MYBBP1A: variants seen among roughly 807,000 people sequenced by gnomAD.
MYBBP1A encodes the protein myb-binding protein 1A.
Under a neutral mutation model 136.3 loss-of-function variants are expected in MYBBP1A, and 147 were observed. The observed-to-expected ratio is 1.08, with a 90% CI of 0.94 to 1.24. The LOEUF (loss-of-function observed/expected upper bound fraction) is 1.24, where lower values mean the gene tolerates loss of function less well. Ranked by LOEUF, MYBBP1A falls within the 50% of genes most tolerant of loss-of-function variation. MYBBP1A has a pLI of 0.00. For missense variants in MYBBP1A, 2,060 were observed against 1,727.4 expected, an observed-to-expected ratio of 1.19 and a Z score of -3.41; for synonymous variants, 947 against 735.8, an observed-to-expected ratio of 1.29 and a Z score of -4.65.
chr17:4,544,343 G>A, intron 19 of MYBBP1A, 146 bp downstream of exon 19: 1 of 1,046,774 alleles, frequency 9.6e-7, no homozygotes. Flanking sequence ...TGTGCCTCTA[G>A]GGCTGAGCAG....
At position 4,544,569 on chromosome 17, in the gene MYBBP1A, C is replaced by G. The variant is rs1032535443; in HGVS notation, c.2559G>C (p.Leu853=). ...TGCGCAGGCTGCGCCGGATGATGCTCAGCAGCGGCTCCAGCAGCTCCAGGA... is the reference window on the plus strand; with the variant it reads ...TGCGCAGGCTGCGCCGGATGATGCTGAGCAGCGGCTCCAGCAGCTCCAGGA... The part of the protein sequence containing the change: ...ALVLELLEPL[L]SIIRRSLRSS... The change falls in exon 19 of 26, where the codon CTG becomes CTC. Residue 853 remains leucine (L), a synonymous_variant. Transcript: ENST00000254718. 1 of 1,572,736 alleles carries G rather than the reference C, an allele frequency of 6.4e-7. No homozygotes were observed. Among genetic ancestry groups the G allele is most frequent in the Non-Finnish European group, 8.6e-7 (1 of 1,159,574 alleles).
rs374976864 is a variant in MYBBP1A, at chr17:4,548,160, C to A, written c.1707G>T (p.Gln569His). The A allele has an allele frequency of 2.1e-5, 34 of 1,605,042 alleles. No individual in the cohort carries two copies. The highest frequency in any genetic ancestry group is 2.6e-5 in the Non-Finnish European group (31 of 1,179,988). Reference protein sequence around the residue: ...VTTVTPFTAQQRQAWDRMLQT... With the variant: ...VTTVTPFTAQHRQAWDRMLQT... ...GTGCTCACCGGTCCCAGGCCTGGCG[C>A]TGCTGCGCAGTGAAGGGTGTCACGG... The change falls in exon 12 of 26, where the codon CAG (glutamine) becomes CAT (histidine). Residue 569 changes from glutamine (Q) to histidine (H), a missense_variant. By Grantham distance (24) the Gln-to-His change is conservative. Transcript: ENST00000254718. This position sits in a 1 kb window ranked among gnomAD's most constrained non-coding sequence, Gnocchi z 4.2.
At chr17:4,540,078 T>C (rs951055160) in intron 25 of MYBBP1A, 111 bp from the exon 26 acceptor site, 6 of 1,330,330 alleles carry the variant, frequency 4.5e-6, no homozygotes, top group East Asian at 2.3e-5. Context: ...CCCTAGGTTC[T>C]GTGAGGCCCC....
intron 21 of MYBBP1A, 34 bp from the exon 22 acceptor site, chr17:4,542,566 G>A: frequency 6.2e-7 from 1 of 1,612,894 alleles, no homozygotes; most frequent in Non-Finnish European, 8.5e-7. Flanking sequence ...TGAGGTGCAG[G>A]CTGGGCTGAG....
In MYBBP1A at chr17:4,554,975, C is replaced by G; in HGVS notation, c.199-19G>C. ...CGGACCCCTGCGGAACCAAGCACAC[C>G]CTCGTGTTCAATGGTGACAACAAGG... On this transcript the variant is annotated intron_variant, in intron 1 of 25. Transcript: ENST00000254718. 6.2e-7 allele frequency: 1 copy of G among 1,612,942 alleles called. No individual in the cohort carries two copies. The highest frequency in any genetic ancestry group is 8.5e-7 in the Non-Finnish European group (1 of 1,179,664).
chr17:4,546,274 A>G lies in MYBBP1A; in HGVS notation c.1825-332T>C, dbSNP rs112795292. ...GCTGGGATTGCAGGCGTGTACCACC[A>G]TGCCCGGCTAATTTTTGTATTTTGA... On this transcript the variant is annotated intron_variant, in intron 13 of 25. Coordinates refer to ENST00000254718, the MANE Select transcript of MYBBP1A (RefSeq NM_014520.4). Among the ~76,000 whole-genome samples, 1,124 of 152,258 alleles carry G rather than the reference A, an allele frequency of 7.4e-3. 10 individuals are homozygous for G. The highest frequency in any genetic ancestry group is 0.014 in the Middle Eastern group (4 of 294).
rs1374974709 is a variant in MYBBP1A at position 4,539,909 on chromosome 17, T to A, written c.3493A>T (p.Ile1165Phe). Residue 1165 changes from isoleucine to phenylalanine, a missense_variant, in exon 26 of 26, where the codon ATC (isoleucine) becomes TTC (phenylalanine). Coordinates refer to ENST00000254718, the MANE Select transcript of MYBBP1A (RefSeq NM_014520.4). ...KEIPSATQSPISKKRKKKGFL... is the reference protein window; with the variant it reads ...KEIPSATQSPFSKKRKKKGFL... ...CCCTTTTTCTTCCGCTTCTTACTGA[T>A]GGGGCTCTGGGTGGCACTGGGGATC... is the stretch of plus-strand genomic sequence containing the variant. 1 of 1,600,430 alleles carries A rather than the reference T, an allele frequency of 6.2e-7. No individual in the cohort carries two copies. The highest frequency in any genetic ancestry group is 8.5e-7 in the Non-Finnish European group (1 of 1,179,946).
rs1277608142 is a variant in MYBBP1A, at chr17:4,544,661, G to A, written c.2482-15C>T. ...AGGTCCAGCACCTGCAGCCAGGAGGGCAGGTCAGCAACACGGGGGTGGGCG... is the reference window on the plus strand; with the variant it reads ...AGGTCCAGCACCTGCAGCCAGGAGGACAGGTCAGCAACACGGGGGTGGGCG... On this transcript the variant is annotated splice_polypyrimidine_tract_variant and intron_variant, in intron 18 of 25. Transcript: ENST00000254718. 13 of 1,563,556 alleles carry A rather than the reference G, an allele frequency of 8.3e-6. No individual in the cohort carries two copies. Among genetic ancestry groups the A allele is most frequent in the Admixed American group, 1.8e-5 (1 of 55,584 alleles).
intron 13 of MYBBP1A, among the ~76,000 whole-genome samples, chr17:4,546,629 T>A (rs534603338): frequency 1.3e-5 from 2 of 152,328 alleles, no homozygotes; most frequent in African/African-American, 4.8e-5. Context: ...AGAGACAGAA[T>A]TGAAAGTCAT....
Position 4,541,451 on chromosome 17 carries a change from C to T in MYBBP1A, c.3297+12G>A, listed in dbSNP as rs749846512. 2.5e-6 allele frequency: 4 copies of T among 1,609,556 alleles called. No individual in the cohort carries two copies. Among genetic ancestry groups the T allele is most frequent in the African/African-American group, 2.7e-5 (2 of 75,012 alleles). ...AACCCGAACACGACCGCGGACTGGG[C>T]CCCCGCCTCACCTCATGTTTGCAGG... is the stretch of plus-strand genomic sequence containing the variant. On this transcript the variant is annotated intron_variant, in intron 24 of 25. Transcript: ENST00000254718.
chr17:4,544,990 T>TA, intron 17 of MYBBP1A, 36 bp downstream of exon 17: 3 of 699,552 alleles, frequency 4.3e-6, no homozygotes, highest in Non-Finnish European at 3.8e-6. Flanking sequence ...ACCCGAGCCC[T>TA]CCCCGGCCGC....
chr17:4,539,187 AGCCCAGAACCGGGGGTGGGGAGGTCTCT>A lies in MYBBP1A; in HGVS notation c.*200_*227del. On this transcript the variant is annotated 3_prime_UTR_variant, in exon 26 of 26. Coordinates refer to ENST00000254718, the MANE Select transcript of MYBBP1A (RefSeq NM_014520.4). ...GACATGGCCCTGGAGCCAGGGTCCCAGCCCAGAACCGGGGGTGGGGAGGTCTCTGCACCCTGGGACCCCTGCAGGAATG... is the reference window on the plus strand; with the variant it reads ...GACATGGCCCTGGAGCCAGGGTCCCAGCACCCTGGGACCCCTGCAGGAATG... The A allele has an allele frequency of 6.9e-7, 1 of 1,450,638 alleles. No individual in the cohort carries two copies. Among genetic ancestry groups the A allele is most frequent in the South Asian group, 1.5e-5 (1 of 68,496 alleles). The allele number at this position is 1,450,638 out of a possible 1,614,324, so 89.9% of individuals were successfully genotyped here.
At position 4,552,534 on chromosome 17, in the gene MYBBP1A, G is replaced by A. The variant is rs1244321883; in HGVS notation, c.654C>T (p.Phe218=). The change falls in exon 6 of 26, where the codon TTC becomes TTT. Residue 218 remains phenylalanine, a synonymous_variant. Transcript: ENST00000254718. This position sits in a 1 kb window ranked among gnomAD's most constrained non-coding sequence, Gnocchi z 4.7. ...ILSSPEQLEL[F]LLAQQKVPSK... ...AGGGCACCTTCTGCTGGGCCAGGAG[G>A]AAGAGCTCTAGCTGTTCAGGGGAGC... is the stretch of plus-strand genomic sequence containing the variant. 1.1e-5 allele frequency: 17 copies of A among 1,614,024 alleles called. No homozygotes were observed. Among genetic ancestry groups the A allele is most frequent in the East Asian group, 2.2e-5 (1 of 44,888 alleles).
chr17:4,550,468 A>G (rs1907417416), intron 8 of MYBBP1A, 115 bp from the exon 9 acceptor site: 5 of 1,237,806 alleles, frequency 4.0e-6, no homozygotes, highest in Middle Eastern at 2.9e-4. Flanking sequence ...GCCCGGGGGC[A>G]GGCGGGCAAC....
In MYBBP1A at chr17:4,553,627, G is replaced by A. The variant is rs564368810; in HGVS notation, c.561+183C>T. On this transcript the variant is annotated intron_variant, in intron 5 of 25. Transcript: ENST00000254718. ...TTAGATATACCAGATAAAGTCAAAT[G>A]TCACTAAATGTTACTAAATGACACC... Among the ~76,000 whole-genome samples the A allele has an allele frequency of 3.3e-5, 5 of 152,350 alleles. No individual in the cohort carries two copies. The South Asian group carries it at 6.2e-4, about 19-fold the overall frequency.
chr17:4,549,066 T>G (rs1488085138), intron 10 of MYBBP1A, among the ~76,000 whole-genome samples: 1 of 152,188 alleles, frequency 6.6e-6, no homozygotes, highest in Non-Finnish European at 1.5e-5. Flanking sequence ...GGCAGAAGGC[T>G]TCCCTGACAC....
intron 8 of MYBBP1A, 113 bp from the exon 9 acceptor site, chr17:4,550,466 G>A (rs1907417059): frequency 8.0e-7 from 1 of 1,247,524 alleles, no homozygotes; most frequent in Non-Finnish European, 1.1e-6. Flanking sequence ...CAGCCCGGGG[G>A]CAGGCGGGCA....
At position 4,545,178 on chromosome 17, in the gene MYBBP1A, G is replaced by A; in HGVS notation, c.2161-3C>T. The A allele has an allele frequency of 1.2e-6, 2 of 1,613,194 alleles. No individual in the cohort carries two copies. The highest frequency in any genetic ancestry group is 1.3e-5 in the African/African-American group (1 of 74,824). On this transcript the variant is annotated splice_region_variant and splice_polypyrimidine_tract_variant and intron_variant, in intron 16 of 25. Transcript: ENST00000254718. ...TCCTCACCTTCCTCGCTCTTGTCCT[G>A]TGTGGTAGAGGCAGGCGCGTCACAC... is the stretch of plus-strand genomic sequence containing the variant.
In MYBBP1A at chr17:4,540,054, GGGTCCTCTGAGGCCCCTA is replaced by G. The variant is rs372306291; in HGVS notation, c.3435-105_3435-88del. The G allele has an allele frequency of 8.2e-6, 12 of 1,471,284 alleles. No homozygotes were observed. The East Asian group carries it at 9.1e-5, about 11-fold the overall frequency. 91.1% of individuals were successfully genotyped at this position (1,471,284 alleles called of 1,614,324 possible). On this transcript the variant is annotated intron_variant, in intron 25 of 25. Coordinates refer to ENST00000254718, the MANE Select transcript of MYBBP1A (RefSeq NM_014520.4). ...ACTGCTACCTCCACCTGGATTCTGAGGGTCCTCTGAGGCCCCTAGGTTCTGTGAGGCCCCTATGAGGGT... is the reference window on the plus strand; with the variant it reads ...ACTGCTACCTCCACCTGGATTCTGAGGGTTCTGTGAGGCCCCTATGAGGGT...
Sources: allele counts gnomAD v4.1 joint callset (sites outside exome capture counted in the v4.1 genomes callset), GRCh38; gene constraint gnomAD v4.1.1; non-coding constraint Gnocchi (gnomAD v3.1); transcripts MANE v1.5; gene names NCBI Gene and HGNC (gene_info 2026-07-23, HGNC 2026-07-21).